Variants in ASTN1 observed in about 807,000 individuals in gnomAD.
ASTN1 encodes astrotactin 1.
A neutral mutation model predicts 140.7 loss-of-function variants in ASTN1; 41 were observed. The ratio of observed to expected loss-of-function variants is 0.29; its 90% confidence interval spans 0.23 to 0.38. The LOEUF is 0.38. Among genes scored for constraint, ASTN1 ranks in the 10% least tolerant of loss-of-function variants. The pLI, the probability that ASTN1 is intolerant of heterozygous loss-of-function variation, is 1.00. For missense variants in ASTN1, 1,479 were observed against 1,678.8 expected (o/e 0.88, Z 2.08); for synonymous variants, 640 against 652.2 (o/e 0.98, Z 0.29).
At chr1:177,162,601 A>G (rs1558141075) in intron 1 of ASTN1, among the ~76,000 whole-genome samples, 1 of 152,242 alleles carries the variant, frequency 6.6e-6, no homozygotes, top group Non-Finnish European at 1.5e-5. Flanking sequence ...TCTGCAAAAA[A>G]GAAATGAAAT....
At chr1:177,010,804 T>G (rs920234896) in intron 8 of ASTN1, among the ~76,000 whole-genome samples, 1 of 152,238 alleles carries the variant, frequency 6.6e-6, no homozygotes, top group African/African-American at 2.4e-5. Flanking sequence ...GTCTTGACTT[T>G]TATCTACAAG....
intron 16 of ASTN1, among the ~76,000 whole-genome samples, chr1:176,921,887 T>C (rs1195869003): frequency 6.6e-6 from 1 of 152,132 alleles, no homozygotes; most frequent in African/African-American, 2.4e-5. Flanking sequence ...GGAGACACTC[T>C]CTTAAACAAT....
intron 2 of ASTN1, among the ~76,000 whole-genome samples, chr1:177,060,462 C>T (rs779045222): frequency 6.6e-6 from 1 of 152,146 alleles, no homozygotes; most frequent in South Asian, 2.1e-4. Flanking sequence ...TAAGATTCTC[C>T]AATACACTAA....
intron 7 of ASTN1, among the ~76,000 whole-genome samples, chr1:177,017,859 C>A (rs1240857391): frequency 1.3e-5 from 2 of 152,160 alleles, no homozygotes; most frequent in African/African-American, 2.4e-5. Context: ...TGCTTTTGGT[C>A]ACTTCCCATT....
chr1:176,940,093 A>G (rs1448741221), intron 14 of ASTN1, among the ~76,000 whole-genome samples: 1 of 152,212 alleles, frequency 6.6e-6, no homozygotes, highest in Non-Finnish European at 1.5e-5. Flanking sequence ...CAACAGGCCT[A>G]TGAATGCAGC....
chr1:177,138,687 A>G (rs1682314229), intron 1 of ASTN1, among the ~76,000 whole-genome samples: 1 of 152,204 alleles, frequency 6.6e-6, no homozygotes, highest in Non-Finnish European at 1.5e-5. Flanking sequence ...GTTTGCACCA[A>G]GCTGAGCTTC....
intron 1 of ASTN1, among the ~76,000 whole-genome samples, chr1:177,077,136 C>T (rs1023825241): frequency 6.6e-6 from 1 of 152,084 alleles, no homozygotes; most frequent in African/African-American, 2.4e-5. Flanking sequence ...AAGCCTTCTG[C>T]ATGCCGCGTT....
intron 16 of ASTN1, among the ~76,000 whole-genome samples, chr1:176,924,594 T>G (rs1464366745): frequency 6.6e-6 from 1 of 152,136 alleles, no homozygotes; most frequent in Non-Finnish European, 1.5e-5. Flanking sequence ...TTTGCATCAT[T>G]CATTATCATA....
chr1:177,098,269 GTGTC>G (rs1680127349), intron 1 of ASTN1, among the ~76,000 whole-genome samples: 1 of 145,580 alleles, frequency 6.9e-6, no homozygotes, highest in Admixed American at 6.7e-5. Flanking sequence ...CACCCAGTTG[GTGTC>G]CAGAGAGTTG....
At chr1:176,897,507 G>T (rs1212774147) in intron 16 of ASTN1, among the ~76,000 whole-genome samples, 1 of 151,976 alleles carries the variant, frequency 6.6e-6, no homozygotes, top group South Asian at 2.1e-4. Context: ...TCTGGGAAAA[G>T]AATTTCCACG....
At chr1:176,947,142 G>C (rs549745441) in intron 12 of ASTN1, among the ~76,000 whole-genome samples, 63 of 152,262 alleles carry the variant, frequency 4.1e-4, no homozygotes, top group Non-Finnish European at 6.8e-4. Context: ...CCTTTACATG[G>C]AAACCTTGGG....
intron 19 of ASTN1, 91 bp downstream of exon 19, chr1:176,884,248 C>T (rs757705904): frequency 9.6e-6 from 14 of 1,459,908 alleles, no homozygotes; most frequent in Non-Finnish European, 1.3e-5. Context: ...ATACTGGGGA[C>T]CTGGAGCAAA....
intron 1 of ASTN1, among the ~76,000 whole-genome samples, chr1:177,140,297 A>G (rs972794474): frequency 3.3e-5 from 5 of 152,224 alleles, no homozygotes; most frequent in African/African-American, 1.2e-4. Context: ...GGGTATGTAC[A>G]GGACCTCATA....
At chr1:176,968,514 C>A (rs1173476471) in intron 8 of ASTN1, among the ~76,000 whole-genome samples, 1 of 152,190 alleles carries the variant, frequency 6.6e-6, no homozygotes, top group African/African-American at 2.4e-5. Context: ...CTTCACTGGG[C>A]AACTCACTCT....
At chr1:177,024,755 A>G (rs775521178) in intron 5 of ASTN1, 23 bp from the exon 6 acceptor site, 2 of 1,603,796 alleles carry the variant, frequency 1.2e-6, no homozygotes, top group East Asian at 2.2e-5. Flanking sequence ...CAAAAGCAAG[A>G]TACATGGTGG....
intron 8 of ASTN1, among the ~76,000 whole-genome samples, chr1:176,977,842 A>G (rs1188372831): frequency 2.0e-5 from 3 of 152,208 alleles, no homozygotes; most frequent in Non-Finnish European, 4.4e-5. Context: ...TCTGTGAGTT[A>G]TCAGTACCCA....
intron 16 of ASTN1, among the ~76,000 whole-genome samples, chr1:176,915,134 T>C (rs995471678): frequency 6.6e-6 from 1 of 152,190 alleles, no homozygotes; most frequent in African/African-American, 2.4e-5. Flanking sequence ...ACAGTGTTGG[T>C]CAAAAATAAT....
intron 7 of ASTN1, among the ~76,000 whole-genome samples, chr1:177,019,651 C>T (rs1294656974): frequency 6.6e-6 from 1 of 152,034 alleles, no homozygotes; most frequent in Admixed American, 6.6e-5. Context: ...TGAGTATATC[C>T]CATGCATTGG....
chr1:176,948,941 G>T (rs959164542), intron 12 of ASTN1, among the ~76,000 whole-genome samples: 3 of 152,174 alleles, frequency 2.0e-5, no homozygotes, highest in Non-Finnish European at 2.9e-5. Flanking sequence ...CCCCTTGCAG[G>T]TAAATTCCCC....
Sources: allele counts gnomAD v4.1 joint callset (sites outside exome capture counted in the v4.1 genomes callset), GRCh38; gene constraint gnomAD v4.1.1; transcripts MANE v1.5; gene names NCBI Gene and HGNC (gene_info 2026-07-23, HGNC 2026-07-21).